AKAP1: variants seen among roughly 807,000 people sequenced by gnomAD.
AKAP1 encodes A-kinase anchoring protein 1, also known as A-kinase anchor protein 1, mitochondrial.
AKAP1 carries 32 observed loss-of-function variants against 79.8 expected under a neutral mutation model. The observed-to-expected ratio is 0.40, with a 90% confidence interval of 0.30 to 0.54. AKAP1 has a LOEUF of 0.54. Ranked by LOEUF, AKAP1 falls within the 20% of genes least tolerant of loss-of-function variation. The pLI is 0.47. For synonymous variants in AKAP1, 416 were observed against 466.7 expected (o/e 0.89, Z 1.40); for missense variants, 961 against 1,138.9 (o/e 0.84, Z 2.25).
chr17:57,108,911 C>T (rs994538164), intron 2 of AKAP1, among the ~76,000 whole-genome samples: 1 of 152,224 alleles, frequency 6.6e-6, no homozygotes, highest in Non-Finnish European at 1.5e-5. Context: ...CTCGCCCAGC[C>T]CCTGTCAGCC....
chr17:57,102,000 T>C (rs1270325800), intron 1 of AKAP1, among the ~76,000 whole-genome samples: 1 of 152,226 alleles, frequency 6.6e-6, no homozygotes, highest in Non-Finnish European at 1.5e-5. Flanking sequence ...GTCAGTGGAT[T>C]CCATAATCTA....
At chr17:57,103,580 AGT>A (rs1914659819) in intron 1 of AKAP1, among the ~76,000 whole-genome samples, 1 of 152,234 alleles carries the variant, frequency 6.6e-6, no homozygotes, top group Non-Finnish European at 1.5e-5. Context: ...AAACAATATA[AGT>A]CAAACCAATA....
intron 7 of AKAP1, 24 bp from the exon 8 acceptor site, chr17:57,116,836 C>G: frequency 6.2e-7 from 1 of 1,611,882 alleles, no homozygotes; most frequent in Non-Finnish European, 8.5e-7. Flanking sequence ...CCACATTAAA[C>G]TTGTTCCTTT....
At position 57,120,326 on chromosome 17, in the gene AKAP1, C is replaced by G. The variant is rs1915852973; in HGVS notation, c.*2C>G. On this transcript the variant is annotated 3_prime_UTR_variant, in exon 11 of 11. Transcript: ENST00000337714. ...GACAGCTACTACACAAGCCTTTGAC[C>G]CCCATGCTGCTTCCTGAGAGTCTTT... 6.2e-7 allele frequency: 1 copy of G among 1,611,554 alleles called. No individual in the cohort carries two copies. The highest frequency in any genetic ancestry group is 2.2e-5 in the East Asian group (1 of 44,838).
Position 57,106,997 on chromosome 17 carries a change from C to T in AKAP1, c.1533C>T (p.Phe511=), listed in dbSNP as rs752134033. The change falls in exon 2 of 11, where the codon TTC becomes TTT. Residue 511 remains phenylalanine (F), a synonymous_variant. Coordinates refer to ENST00000337714, the MANE Select transcript of AKAP1 (RefSeq NM_003488.4). ...CTCCAGGACACTGCTCAGATTCTTT[C>T]AGCACTTCAGGGCTTGAAGACTCTT... ...VASPGHCSDS[F]STSGLEDSCT... The T allele has an allele frequency of 1.2e-6, 2 of 1,614,042 alleles. No individual in the cohort carries two copies. The highest frequency in any genetic ancestry group is 1.1e-5 in the South Asian group (1 of 91,092).
chr17:57,107,942 G>A, intron 2 of AKAP1: 1 of 1,289,440 alleles, frequency 7.8e-7, no homozygotes, highest in South Asian at 1.2e-5. Flanking sequence ...TTCTTTCTGT[G>A]CAGTTGCAGC....
At chr17:57,090,418 C>A (rs1338758153) in intron 1 of AKAP1, among the ~76,000 whole-genome samples, 1 of 151,918 alleles carries the variant, frequency 6.6e-6, no homozygotes, top group South Asian at 2.1e-4. Flanking sequence ...GTAAACTGGT[C>A]CCTGGACACA....
intron 1 of AKAP1, chr17:57,094,221 C>G (rs893262569): frequency 6.6e-6 from 1 of 152,276 alleles, no homozygotes; most frequent in Non-Finnish European, 1.5e-5. Context: ...CACGTTTCTC[C>G]TGGGCGCATC....
Position 57,119,830 on chromosome 17 carries a change from C to CTTTTTTTTTTTTTT in AKAP1, c.2638-413_2638-400dup, listed in dbSNP as rs3054874. ...AAGCCATGTCCCCCACCCTGTTACT[C>CTTTTTTTTTTTTTT]TTTTTTTTTTTTTTTTTTTTGAGAC... On this transcript the variant is annotated intron_variant, in intron 10 of 10. Coordinates refer to ENST00000337714, the MANE Select transcript of AKAP1 (RefSeq NM_003488.4). Among the ~76,000 whole-genome samples the CTTTTTTTTTTTTTT allele has an allele frequency of 5.4e-3, 382 of 70,296 alleles. 100 individuals are homozygous for CTTTTTTTTTTTTTT. The highest frequency in any genetic ancestry group is 9.4e-3 in the Admixed American group (46 of 4,918). 46.1% of individuals were successfully genotyped at this position (70,296 alleles called of 152,430 possible). A position where few individuals can be genotyped will look rare whatever the true frequency, so the allele number is the denominator to read the frequency against.
In AKAP1 at chr17:57,086,833, C is replaced by T. The variant is rs1913491131; in HGVS notation, c.-25+1435C>T. On this transcript the variant is annotated intron_variant, in intron 1 of 10. Coordinates refer to ENST00000337714, the MANE Select transcript of AKAP1 (RefSeq NM_003488.4). The surrounding 1 kb of genome is among the most constrained non-coding windows in gnomAD (Gnocchi z 5.1). ...TTAACTCTTTATTTAGAAAGCAAAGCTTGGACTCTTAGCACCACCCATCCA... is the reference window on the plus strand; with the variant it reads ...TTAACTCTTTATTTAGAAAGCAAAGTTTGGACTCTTAGCACCACCCATCCA... 6.6e-6 allele frequency among the ~76,000 whole-genome samples: 1 copy of T among 150,960 alleles called. No individual in the cohort carries two copies. Among genetic ancestry groups the T allele is most frequent in the Non-Finnish European group, 1.5e-5 (1 of 67,874 alleles).
At chr17:57,110,664 C>T (rs1597984085) in intron 3 of AKAP1, among the ~76,000 whole-genome samples, 1 of 152,246 alleles carries the variant, frequency 6.6e-6, no homozygotes. Context: ...ATTTCCTTCT[C>T]ATCTTGCACC....
chr17:57,087,780 C>T (rs1483462557), intron 1 of AKAP1, among the ~76,000 whole-genome samples: 1 of 152,232 alleles, frequency 6.6e-6, no homozygotes, highest in Non-Finnish European at 1.5e-5. Context: ...CTAAGCTTTG[C>T]TGGCTAGCCT....
Position 57,106,308 on chromosome 17 carries a change from G to A in AKAP1, c.844G>A (p.Asp282Asn), listed in dbSNP as rs1304756036. 2 of 1,614,192 alleles carry A rather than the reference G, an allele frequency of 1.2e-6. No homozygotes were observed. Among genetic ancestry groups the A allele is most frequent in the Non-Finnish European group, 8.5e-7 (1 of 1,180,040 alleles). The change falls in exon 2 of 11, where the codon GAC becomes AAC. Residue 282 changes from aspartate (D) to asparagine (N), a missense_variant. Coordinates refer to ENST00000337714, the MANE Select transcript of AKAP1 (RefSeq NM_003488.4). The stretch of plus-strand genomic sequence containing the variant: ...GTCGGCTCACACAGAGCTGGCAAAG[G>A]ACGATGCGGCGCCAGCACCCCCAGT... The part of the protein sequence containing the change: ...IESAHTELAK[D>N]DAAPAPPVAD...
At chr17:57,088,374 G>A (rs1052272882) in intron 1 of AKAP1, among the ~76,000 whole-genome samples, 7 of 152,174 alleles carry the variant, frequency 4.6e-5, no homozygotes, top group Admixed American at 3.9e-4. Flanking sequence ...AACAGGTAGT[G>A]GGGGAGCTGG....
At chr17:57,094,052 C>A (rs769527466) in intron 1 of AKAP1, 3 of 151,652 alleles carry the variant, frequency 2.0e-5, no homozygotes, top group Non-Finnish European at 4.4e-5. Context: ...TCTTCTTCTC[C>A]TCTCCTAGTT....
intron 1 of AKAP1, among the ~76,000 whole-genome samples, chr17:57,087,638 C>T (rs1045337211): frequency 1.3e-5 from 2 of 152,198 alleles, no homozygotes; most frequent in Non-Finnish European, 2.9e-5. Context: ...TTCCCCTCTC[C>T]TCCCTGAACA....
intron 2 of AKAP1, among the ~76,000 whole-genome samples, chr17:57,109,194 C>T (rs1161690004): frequency 6.6e-6 from 1 of 152,168 alleles, no homozygotes; most frequent in East Asian, 1.9e-4. Flanking sequence ...GTGATTGAGT[C>T]ATCCATATTT....
intron 2 of AKAP1, 117 bp downstream of exon 2, chr17:57,107,295 GCT>G: frequency 7.2e-7 from 1 of 1,390,944 alleles, no homozygotes; most frequent in Non-Finnish European, 9.8e-7. Context: ...GTGCTCTTCA[GCT>G]CTTTATCGCA....
At position 57,112,469 on chromosome 17, in the gene AKAP1, C is replaced by T. The variant is rs1430556205; in HGVS notation, c.1976-22C>T. 2.5e-6 allele frequency: 4 copies of T among 1,609,808 alleles called. No individual in the cohort carries two copies. In the African/African-American group the frequency reaches 5.3e-5, roughly 22 times the overall value. ...GTTTCCTCTTACAGTGATTGTATGTCCTGCCCCCATCCGCTATTTAGGCTC... is the reference window on the plus strand; with the variant it reads ...GTTTCCTCTTACAGTGATTGTATGTTCTGCCCCCATCCGCTATTTAGGCTC... On this transcript the variant is annotated intron_variant, in intron 4 of 10. Coordinates refer to ENST00000337714, the MANE Select transcript of AKAP1 (RefSeq NM_003488.4).
Sources: gnomAD v4.1 joint callset for allele counts (sites outside exome capture counted in the v4.1 genomes callset) on GRCh38, gnomAD v4.1.1 for gene constraint, Gnocchi (gnomAD v3.1) non-coding constraint, MANE v1.5 for transcripts, NCBI Gene and HGNC (gene_info 2026-07-23, HGNC 2026-07-21) for gene names.